Variants in FIZ1 observed in about 807,000 individuals in gnomAD.
The protein encoded by FIZ1 is FLT3 interacting zinc finger 1, also known as flt3-interacting zinc finger protein 1.
In FIZ1, 2 loss-of-function variants were observed where a neutral mutation model predicts 5.3. That is an observed-to-expected ratio of 0.37 (90% CI 0.15 to 1.18). The LOEUF is 1.18. Among genes scored for constraint, FIZ1 ranks in the 50% most tolerant of loss-of-function variants. The pLI is 0.37. For synonymous variants in FIZ1, 407 were observed against 364.2 expected (o/e 1.12, Z -1.34); for missense variants, 631 against 749.7 (o/e 0.84, Z 1.85).
In FIZ1 at chr19:55,593,147, G is replaced by T; in HGVS notation, c.794C>A (p.Ala265Glu). 1.7e-6 allele frequency: 2 copies of T among 1,190,328 alleles called. No homozygotes were observed. Among genetic ancestry groups the T allele is most frequent in the Non-Finnish European group, 2.1e-6 (2 of 957,720 alleles). 73.7% of individuals were successfully genotyped at this position (1,190,328 alleles called of 1,614,324 possible). ...CGTCTCGGGCCCTGCGCCTGGCCCC[G>T]CGGCCCAGGCCTGCGCTGGGGGCGC... ...PGAPPAQAWAAGPGAGPETAG... is the reference protein window; with the variant it reads ...PGAPPAQAWAEGPGAGPETAG... Residue 265 changes from alanine (A) to glutamate (E), a missense_variant, in exon 3 of 3, where the codon GCG (alanine) becomes GAG (glutamate). Ala to Glu is a moderately radical substitution (Grantham distance 107, BLOSUM62 -1). Coordinates refer to ENST00000221665, the MANE Select transcript of FIZ1 (RefSeq NM_032836.3). The surrounding 1 kb of genome is among the most constrained non-coding windows in gnomAD (Gnocchi z 6.3).
At chr19:55,594,127 G>C (rs559696966) in intron 2 of FIZ1, among the ~76,000 whole-genome samples, 1 of 152,052 alleles carries the variant, frequency 6.6e-6, no homozygotes, top group African/African-American at 2.4e-5. Flanking sequence ...GGTGGCTCAC[G>C]TGTGTAATCC....
rs1980175584 is a variant in FIZ1 at position 55,593,733 on chromosome 19, C to G, written c.295-87G>C. 1 of 1,244,222 alleles carries G rather than the reference C, an allele frequency of 8.0e-7. No individual in the cohort carries two copies. The highest frequency in any genetic ancestry group is 1.1e-6 in the Non-Finnish European group (1 of 875,134). The allele number at this position is 1,244,222 out of a possible 1,614,324, so 77.1% of individuals were successfully genotyped here. On this transcript the variant is annotated intron_variant, in intron 2 of 2. Transcript: ENST00000221665. This position sits in a 1 kb window ranked among gnomAD's most constrained non-coding sequence, Gnocchi z 6.3. ...CCTGGACTCCCAGAGGGTTGTGGCA[C>G]AAGCTCTCTGTCACACCTACAGGGC...
At chr19:55,598,114 T>G (rs577593859) in intron 1 of FIZ1, 1 of 596,472 alleles carries the variant, frequency 1.7e-6, no homozygotes. Context: ...CCTAATCACT[T>G]CATAGTCTCC....
At position 55,592,104 on chromosome 19, in the gene FIZ1, A is replaced by G. The variant is rs937362565; in HGVS notation, c.*346T>C. On this transcript the variant is annotated 3_prime_UTR_variant, in exon 3 of 3. Transcript: ENST00000221665. This position sits in a 1 kb window ranked among gnomAD's most constrained non-coding sequence, Gnocchi z 6.9. ...CCCATCTTTTAGTATTAGGGCTCTCAAGATGAGAGGTACTTGTGGAGACCC... is the reference window on the plus strand; with the variant it reads ...CCCATCTTTTAGTATTAGGGCTCTCGAGATGAGAGGTACTTGTGGAGACCC... 14 of 274,866 alleles carry G rather than the reference A, an allele frequency of 5.1e-5. No individual in the cohort carries two copies. The highest frequency in any genetic ancestry group is 2.6e-4 in the African/African-American group (12 of 45,480). The allele number at this position is 274,866 out of a possible 1,614,324, so 17.0% of individuals were successfully genotyped here. A position where few individuals can be genotyped will look rare whatever the true frequency, so the allele number is the denominator to read the frequency against.
At position 55,592,969 on chromosome 19, in the gene FIZ1, C is replaced by T; in HGVS notation, c.972G>A (p.Glu324=). Residue 324 remains glutamate (E), a synonymous_variant, in exon 3 of 3, where the codon GAG becomes GAA. Transcript: ENST00000221665. The surrounding 1 kb of genome is among the most constrained non-coding windows in gnomAD (Gnocchi z 6.9). ...GEAPAPAAAA[E]PSEDTLYQCD... is the part of the protein sequence containing the mutation. ...ACTGGTACAGGGTGTCTTCCGAGGG[C>T]TCGGCGGCCGCCGCAGGTGCAGGCG... is the stretch of plus-strand genomic sequence containing the variant. 1 of 1,543,698 alleles carries T rather than the reference C, an allele frequency of 6.5e-7. No individual in the cohort carries two copies. The highest frequency in any genetic ancestry group is 8.7e-7 in the Non-Finnish European group (1 of 1,153,590).
rs1185081913 is a variant in FIZ1 at position 55,597,857 on chromosome 19, G to A, written c.9C>T (p.Asp3=). 3 of 1,587,522 alleles carry A rather than the reference G, an allele frequency of 1.9e-6. No homozygotes were observed. The highest frequency in any genetic ancestry group is 2.3e-5 in the East Asian group (1 of 43,584). The change falls in exon 2 of 3, where the codon GAC becomes GAT. Residue 3 remains aspartate, a synonymous_variant. Coordinates refer to ENST00000221665, the MANE Select transcript of FIZ1 (RefSeq NM_032836.3). The part of the protein sequence containing the change: MD[D]VPAPTPAPAP... The stretch of plus-strand genomic sequence containing the variant: ...CTGGTGCAGGGGTTGGGGCGGGGAC[G>A]TCATCCATGGTGGCGGGGAATACAG...
rs1980072671 is a variant in FIZ1, at chr19:55,592,723, G to C, written c.1218C>G (p.Gly406=). ...REPASGEPPS[G]SGRGKKIFGC... Reference sequence around the variant, plus strand: ...CGAAGATCTTCTTGCCGCGGCCGGAGCCAGACGGGGGTTCCCCGGACGCCG... The same window carrying C: ...CGAAGATCTTCTTGCCGCGGCCGGACCCAGACGGGGGTTCCCCGGACGCCG... Residue 406 remains glycine, a synonymous_variant, in exon 3 of 3, where the codon GGC becomes GGG. Transcript: ENST00000221665. The surrounding 1 kb of genome is among the most constrained non-coding windows in gnomAD (Gnocchi z 6.9). 6.2e-7 allele frequency: 1 copy of C among 1,612,346 alleles called. No homozygotes were observed. The highest frequency in any genetic ancestry group is 1.7e-5 in the Admixed American group (1 of 60,018).
In FIZ1 at chr19:55,591,656, G is replaced by A. The variant is rs1471933195; in HGVS notation, c.*794C>T. The A allele has an allele frequency of 6.6e-6, 1 of 152,540 alleles. No homozygotes were observed. The highest frequency in any genetic ancestry group is 1.9e-4 in the East Asian group (1 of 5,196). 9.4% of individuals were successfully genotyped at this position (152,540 alleles called of 1,614,324 possible). A position where few individuals can be genotyped will look rare whatever the true frequency, so the allele number is the denominator to read the frequency against. On this transcript the variant is annotated 3_prime_UTR_variant, in exon 3 of 3. Transcript: ENST00000221665. ...CCACACGCTACAGGAAAAGAGAGGA[G>A]TGTCCGCCCTATTCACTCTAAGGAA...
rs1260012609 is a variant in FIZ1 at position 55,592,428 on chromosome 19, C to T, written c.*22G>A. On this transcript the variant is annotated 3_prime_UTR_variant, in exon 3 of 3. Transcript: ENST00000221665. This position sits in a 1 kb window ranked among gnomAD's most constrained non-coding sequence, Gnocchi z 6.9. ...CGAGTCCAGGAGGCTGGGTGGAGGG[C>T]AGGGCGCACGCAGCCTGGCAGTCAG... The T allele has an allele frequency of 6.6e-7, 1 of 1,524,588 alleles. No homozygotes were observed. The allele number at this position is 1,524,588 out of a possible 1,614,324, so 94.4% of individuals were successfully genotyped here.
Position 55,592,728 on chromosome 19 carries a change from A to G in FIZ1, c.1213T>C (p.Ser405Pro). 1 of 1,611,686 alleles carries G rather than the reference A, an allele frequency of 6.2e-7. No individual in the cohort carries two copies. The highest frequency in any genetic ancestry group is 8.5e-7 in the Non-Finnish European group (1 of 1,179,460). Residue 405 changes from serine to proline, a missense_variant, in exon 3 of 3, where the codon TCT (serine) becomes CCT (proline). This residue lies in a region of FIZ1 where 463 missense variants were observed against 455.1 expected (regional missense o/e 1.02). Coordinates refer to ENST00000221665, the MANE Select transcript of FIZ1 (RefSeq NM_032836.3). This position sits in a 1 kb window ranked among gnomAD's most constrained non-coding sequence, Gnocchi z 6.9. ...ATCTTCTTGCCGCGGCCGGAGCCAG[A>G]CGGGGGTTCCCCGGACGCCGGTTCC... ...EREPASGEPP[S>P]GSGRGKKIFG...
In FIZ1 at chr19:55,592,568, T is replaced by C. The variant is rs1980059889; in HGVS notation, c.1373A>G (p.Lys458Arg). Residue 458 changes from lysine (K) to arginine (R), a missense_variant, in exon 3 of 3, where the codon AAG becomes AGG. Around this residue, in one of 4 missense-constraint regions of FIZ1, gnomAD observed 61 missense variants for 96.9 expected, o/e 0.63. Coordinates refer to ENST00000221665, the MANE Select transcript of FIZ1 (RefSeq NM_032836.3). The surrounding 1 kb of genome is among the most constrained non-coding windows in gnomAD (Gnocchi z 6.9). ...GGTGCCGTGCAGCAGCCGGTGGCGC[T>C]TGAGGTAGCACTCGTGGCGGAAGAA... ...GKFFRHECYL[K>R]RHRLLHGTER... is the part of the protein sequence containing the mutation. 6.2e-7 allele frequency: 1 copy of C among 1,612,836 alleles called. No individual in the cohort carries two copies. Among genetic ancestry groups the C allele is most frequent in the East Asian group, 2.2e-5 (1 of 44,826 alleles).
At chr19:55,598,151 C>T in intron 1 of FIZ1, 1 of 504,568 alleles carries the variant, frequency 2.0e-6, no homozygotes, top group Non-Finnish European at 3.5e-6. Context: ...TTTTAAGCCT[C>T]TCCTCGCTCT....
intron 1 of FIZ1, 39 bp from the exon 2 acceptor site, chr19:55,597,940 C>G: frequency 6.7e-7 from 1 of 1,483,112 alleles, no homozygotes. Flanking sequence ...GTGAGGGGGT[C>G]GGCTCCCCAT....
At chr19:55,598,072 C>T in intron 1 of FIZ1, 171 bp from the exon 2 acceptor site, 1 of 794,278 alleles carries the variant, frequency 1.3e-6, no homozygotes, top group Non-Finnish European at 1.9e-6. Flanking sequence ...AGAAACCCTT[C>T]TCTCGCGGCT....
At position 55,591,549 on chromosome 19, in the gene FIZ1, T is replaced by TA. The variant is rs1158583149; in HGVS notation, c.*900dup. 6.6e-6 allele frequency: 1 copy of TA among 152,328 alleles called. No individual in the cohort carries two copies. The highest frequency in any genetic ancestry group is 2.4e-5 in the African/African-American group (1 of 41,412). The allele number at this position is 152,328 out of a possible 1,614,324, so 9.4% of individuals were successfully genotyped here. A position where few individuals can be genotyped will look rare whatever the true frequency, so the allele number is the denominator to read the frequency against. Reference sequence around the variant, plus strand: ...GATGGAGAGAAAGACCAACGGATGCTACGGAGAGAGGGAAGGAAACCCCAG... The same window carrying TA: ...GATGGAGAGAAAGACCAACGGATGCTAACGGAGAGAGGGAAGGAAACCCCAG... On this transcript the variant is annotated 3_prime_UTR_variant, in exon 3 of 3. Transcript: ENST00000221665.
At chr19:55,595,073 G>C (rs1179835903) in intron 2 of FIZ1, among the ~76,000 whole-genome samples, 1 of 152,208 alleles carries the variant, frequency 6.6e-6, no homozygotes, top group African/African-American at 2.4e-5. Flanking sequence ...GAGGTTTTTT[G>C]TATTGATATT....
chr19:55,596,149 G>A (rs1980316205), intron 2 of FIZ1, among the ~76,000 whole-genome samples: 1 of 152,138 alleles, frequency 6.6e-6, no homozygotes, highest in African/African-American at 2.4e-5. Flanking sequence ...ATCAAGCTAA[G>A]GAGCTCCCCT....
intron 1 of FIZ1, 66 bp from the exon 2 acceptor site, chr19:55,597,967 G>A (rs1980412527): frequency 4.1e-6 from 6 of 1,458,394 alleles, no homozygotes; most frequent in Non-Finnish European, 4.5e-6. Context: ...TCTCCTCCCA[G>A]GTTCCCAGAC....
Position 55,592,813 on chromosome 19 carries a change from G to T in FIZ1, c.1128C>A (p.His376Gln). 6.3e-7 allele frequency: 1 copy of T among 1,584,630 alleles called. No homozygotes were observed. ...CGCCCTCACCGTGGCTGACCCGCCG[G>T]TGCTCCTCCAAGGCGGCCAGCGCCG... ...LYAALAALEEHRRVSHGEGGG... is the reference protein window; with the variant it reads ...LYAALAALEEQRRVSHGEGGG... The change falls in exon 3 of 3, where the codon CAC becomes CAA. Residue 376 changes from histidine to glutamine, a missense_variant. By Grantham distance (24) the His-to-Gln change is conservative (BLOSUM62 0). Around this residue, in one of 4 missense-constraint regions of FIZ1, gnomAD observed 463 missense variants for 455.1 expected, o/e 1.02. Transcript: ENST00000221665. This position sits in a 1 kb window ranked among gnomAD's most constrained non-coding sequence, Gnocchi z 6.9.
Sources: gnomAD v4.1 joint callset for allele counts (sites outside exome capture counted in the v4.1 genomes callset) on GRCh38, gnomAD v4.1.1 for gene constraint, gnomAD v4.1.1 regional missense constraint, Gnocchi (gnomAD v3.1) non-coding constraint, MANE v1.5 for transcripts, NCBI Gene and HGNC (gene_info 2026-07-23, HGNC 2026-07-21) for gene names.